DOP1A: variants seen among roughly 807,000 people sequenced by gnomAD.
The protein encoded by DOP1A is protein DOP1A.
DOP1A carries 90 observed loss-of-function variants against 267.6 expected under a neutral mutation model. That is an observed-to-expected ratio of 0.34 (90% confidence interval 0.28 to 0.40). DOP1A has a LOEUF of 0.40. Among genes scored for constraint, DOP1A ranks in the 10% least tolerant of loss-of-function variants. DOP1A has a pLI of 1.00. For missense variants in DOP1A, 2,437 were observed against 2,900.4 expected, an observed-to-expected ratio of 0.84 and a Z score of 3.67; for synonymous variants, 932 against 999.1, an observed-to-expected ratio of 0.93 and a Z score of 1.27.
At chr6:83,125,233 A>G (rs750360861) in intron 14 of DOP1A, 38 bp downstream of exon 14, 30 of 1,542,936 alleles carry the variant, frequency 1.9e-5, no homozygotes, top group Admixed American at 4.5e-5. Flanking sequence ...AAATGATTCT[A>G]TTTACTTTTG....
At chr6:83,134,062 T>C (rs12197711) in intron 18 of DOP1A, 125 bp from the exon 19 acceptor site, 64,696 of 567,250 alleles carry the variant, frequency 0.11, 4,222 homozygotes, top group East Asian at 0.15. Context: ...TTTATTGCAA[T>C]GTGTGTTTGA....
At chr6:83,116,396 T>C (rs1419265249) in intron 7 of DOP1A, among the ~76,000 whole-genome samples, 1 of 152,222 alleles carries the variant, frequency 6.6e-6, no homozygotes, top group Non-Finnish European at 1.5e-5. Context: ...TCACATTTTA[T>C]TGTACAATAC....
At chr6:83,140,503 A>G in intron 23 of DOP1A, 100 bp downstream of exon 23, 1 of 956,088 alleles carries the variant, frequency 1.0e-6, no homozygotes, top group South Asian at 2.0e-5. Flanking sequence ...TATTTACAGG[A>G]CTCTGCTAAT....
intron 35 of DOP1A, among the ~76,000 whole-genome samples, chr6:83,158,046 T>G (rs1340513882): frequency 3.9e-5 from 6 of 152,100 alleles, no homozygotes; most frequent in African/African-American, 9.7e-5. Flanking sequence ...TCACCCAGGC[T>G]GGAGTGCAGT....
intron 7 of DOP1A, among the ~76,000 whole-genome samples, chr6:83,113,710 A>T (rs932489574): frequency 6.6e-6 from 1 of 152,200 alleles, no homozygotes; most frequent in Non-Finnish European, 1.5e-5. Flanking sequence ...ACTCTGAGTA[A>T]GCCAAGACTG....
intron 11 of DOP1A, 81 bp downstream of exon 11, chr6:83,122,131 G>A: frequency 1.3e-6 from 2 of 1,491,780 alleles, no homozygotes; most frequent in Non-Finnish European, 1.8e-6. Context: ...AATAACTTGG[G>A]ATCCTACTCT....
rs773040720 is a variant in DOP1A, at chr6:83,145,551, C to T, written c.5569C>T (p.Leu1857Phe). The T allele has an allele frequency of 1.1e-5, 18 of 1,606,294 alleles. No homozygotes were observed. In the South Asian group the frequency reaches 2.0e-4, roughly 18 times the overall value. Reference sequence around the variant, plus strand: ...CATTCCTGCAGCCAGTGAAGAACAGCTTTTATTAGTGGAATTGGTTCGTTC... The same window carrying T: ...CATTCCTGCAGCCAGTGAAGAACAGTTTTTATTAGTGGAATTGGTTCGTTC... ...KVIPAASEEQ[L>F]LLVELVRSIS... Residue 1857 changes from leucine to phenylalanine, a missense_variant, in exon 25 of 39, where the codon CTT (leucine) becomes TTT (phenylalanine). By Grantham distance (22) the Leu-to-Phe change is conservative (BLOSUM62 0). Around this residue, in one of 9 missense-constraint regions of DOP1A, gnomAD observed 307 missense variants for 308.6 expected, o/e 0.99. Transcript: ENST00000349129.
In DOP1A at chr6:83,154,298, A is replaced by G. The variant is rs905331218; in HGVS notation, c.6451+57A>G. On this transcript the variant is annotated intron_variant, in intron 33 of 38. Transcript: ENST00000349129. ...TTCCTGTACATGGTTCCTTCTTACT[A>G]TTTACTTGTACTCTTTTCTGGAGAC... 4.0e-6 allele frequency: 6 copies of G among 1,489,072 alleles called. No homozygotes were observed. The East Asian group carries it at 6.8e-5, about 17-fold the overall frequency. 92.2% of individuals were successfully genotyped at this position (1,489,072 alleles called of 1,614,324 possible). A position where few individuals can be genotyped will look rare whatever the true frequency, so the allele number is the denominator to read the frequency against.
At chr6:83,158,473 T>C in intron 35 of DOP1A, 94 bp from the exon 36 acceptor site, 1 of 961,892 alleles carries the variant, frequency 1.0e-6, no homozygotes, top group Non-Finnish European at 1.6e-6. Context: ...TATTCTAAAA[T>C]TTGTTTTTGC....
intron 16 of DOP1A, 47 bp from the exon 17 acceptor site, chr6:83,130,076 A>G: frequency 6.3e-7 from 1 of 1,579,228 alleles, no homozygotes; most frequent in Non-Finnish European, 8.6e-7. Flanking sequence ...AGTGTGTGTG[A>G]AATGTTTAGT....
At chr6:83,164,657 C>G in intron 38 of DOP1A, 1 of 1,571,124 alleles carries the variant, frequency 6.4e-7, no homozygotes, top group Non-Finnish European at 8.6e-7. Flanking sequence ...TTTCCTTCCA[C>G]AGGACAAGGA....
chr6:83,111,848 C>T (rs992663844), intron 6 of DOP1A, among the ~76,000 whole-genome samples: 17 of 152,116 alleles, frequency 1.1e-4, no homozygotes, highest in Non-Finnish European at 2.5e-4. Context: ...ATAGGGTCCC[C>T]TGAAGCAAAA....
In DOP1A at chr6:83,138,264, G is replaced by T; in HGVS notation, c.4222G>T (p.Val1408Leu). The change falls in exon 21 of 39, where the codon GTA (valine) becomes TTA (leucine). Residue 1408 changes from valine to leucine, a missense_variant. This residue lies in a region of DOP1A where 878 missense variants were observed against 992.9 expected (regional missense o/e 0.88). Coordinates refer to ENST00000349129, the MANE Select transcript of DOP1A (RefSeq NM_015018.4). ...AFVNAISTTSVNNAYTPQLSL... is the reference protein window; with the variant it reads ...AFVNAISTTSLNNAYTPQLSL... ...TGTAAATGCCATTTCAACTACTAGT[G>T]TAAATAATGCATATACTCCTCAGTT... is the stretch of plus-strand genomic sequence containing the variant. 1 of 1,613,142 alleles carries T rather than the reference G, an allele frequency of 6.2e-7. No individual in the cohort carries two copies. Among genetic ancestry groups the T allele is most frequent in the East Asian group, 2.2e-5 (1 of 44,868 alleles).
At chr6:83,088,840 A>G (rs997292781) in intron 1 of DOP1A, among the ~76,000 whole-genome samples, 8 of 152,230 alleles carry the variant, frequency 5.3e-5, no homozygotes, top group African/African-American at 1.9e-4. Flanking sequence ...ATTGGAACCT[A>G]GAACTGTTGA....
chr6:83,101,169 C>T (rs911630703), intron 4 of DOP1A, among the ~76,000 whole-genome samples: 1 of 152,098 alleles, frequency 6.6e-6, no homozygotes, highest in Admixed American at 6.6e-5. Flanking sequence ...GCGCCCGCCA[C>T]CACGCCCGAC....
rs1232633294 is a variant in DOP1A at position 83,139,097 on chromosome 6, A to G, written c.5055A>G (p.Gln1685=). The change falls in exon 21 of 39, where the codon CAA becomes CAG. Residue 1685 remains glutamine (Q), a synonymous_variant. Coordinates refer to ENST00000349129, the MANE Select transcript of DOP1A (RefSeq NM_015018.4). ...GAGTGGTTGTTTCTGTGACACTACA[A>G]CTGTGCAGAAATTTAGATAATCTAA... is the stretch of plus-strand genomic sequence containing the variant. The part of the protein sequence containing the change: ...LQRVVVSVTL[Q]LCRNLDNLIQ... 1.2e-6 allele frequency: 2 copies of G among 1,613,890 alleles called. No individual in the cohort carries two copies. Among genetic ancestry groups the G allele is most frequent in the African/African-American group, 2.7e-5 (2 of 74,930 alleles).
chr6:83,113,542 G>A (rs1774916102), intron 7 of DOP1A, 121 bp downstream of exon 7: 3 of 694,128 alleles, frequency 4.3e-6, no homozygotes, highest in Admixed American at 2.7e-5. Context: ...GTAAGCGCAT[G>A]GAAAATAAGT....
At position 83,118,899 on chromosome 6, in the gene DOP1A, G is replaced by T; in HGVS notation, c.792G>T (p.Pro264=). The stretch of plus-strand genomic sequence containing the variant: ...CCTAACTCTTTCAGGCCACTCGACC[G>T]GATATGATCAGGATCTTGTCAGCAG... ...FPFHMSQATR[P]DMIRILSAAL... The change falls in exon 8 of 39, where the codon CCG becomes CCT. Residue 264 remains proline, a synonymous_variant. Coordinates refer to ENST00000349129, the MANE Select transcript of DOP1A (RefSeq NM_015018.4). The T allele has an allele frequency of 6.2e-7, 1 of 1,613,372 alleles. No individual in the cohort carries two copies. The highest frequency in any genetic ancestry group is 8.5e-7 in the Non-Finnish European group (1 of 1,179,508).
intron 35 of DOP1A, among the ~76,000 whole-genome samples, chr6:83,158,160 A>G (rs1043461857): frequency 5.3e-5 from 8 of 151,822 alleles, no homozygotes; most frequent in African/African-American, 9.7e-5. Context: ...CACCACACCC[A>G]GCTAATTTTG....
Sources: allele counts gnomAD v4.1 joint callset (sites outside exome capture counted in the v4.1 genomes callset), GRCh38; gene constraint gnomAD v4.1.1; regional missense constraint gnomAD v4.1.1; transcripts MANE v1.5; gene names NCBI Gene and HGNC (gene_info 2026-07-23, HGNC 2026-07-21).